Variants in SH3D19 observed in about 807,000 individuals in gnomAD.
The protein encoded by SH3D19 is SH3 domain-containing protein 19.
SH3D19 carries 58 observed loss-of-function variants against 112.1 expected under a neutral mutation model. That is an observed-to-expected ratio of 0.52 (90% CI 0.42 to 0.64). SH3D19 has a LOEUF of 0.64. Among genes scored for constraint, SH3D19 ranks in the 30% least tolerant of loss-of-function variants. The probability of loss-of-function intolerance (pLI) is 0.00; values close to 1 mark genes in which losing one functional copy is unlikely to be tolerated. For missense variants in SH3D19, 1,090 were observed against 1,263.4 expected (o/e 0.86, Z 2.08); for synonymous variants, 391 against 448.5 (o/e 0.87, Z 1.62).
At chr4:151,318,122 C>G (rs1730172316) in intron 1 of SH3D19, among the ~76,000 whole-genome samples, 1 of 151,244 alleles carries the variant, frequency 6.6e-6, no homozygotes, top group Middle Eastern at 3.4e-3. Flanking sequence ...ATGGTGAAAC[C>G]CTGTCTCTAA....
chr4:151,226,087 C>T lies in SH3D19; in HGVS notation c.113-1G>A. 1.6e-6 allele frequency: 2 copies of T among 1,231,754 alleles called. No homozygotes were observed. Among genetic ancestry groups the T allele is most frequent in the Non-Finnish European group, 2.0e-6 (2 of 987,682 alleles). 76.3% of individuals were successfully genotyped at this position (1,231,754 alleles called of 1,614,324 possible). A position where few individuals can be genotyped will look rare whatever the true frequency, so the allele number is the denominator to read the frequency against. On this transcript the variant is annotated splice_acceptor_variant, in intron 1 of 19. Coordinates refer to ENST00000604030, the MANE Select transcript of SH3D19 (RefSeq NM_001378122.1). LOFTEE classifies it high-confidence loss of function. ...TCTGGTTTATTTCGTTCGTTGCGATCTGTAGAGAAAGAAGATGGTTACGTG... is the reference window on the plus strand; with the variant it reads ...TCTGGTTTATTTCGTTCGTTGCGATTTGTAGAGAAAGAAGATGGTTACGTG...
At chr4:151,173,001 A>AGTG (rs374499162) in intron 7 of SH3D19, among the ~76,000 whole-genome samples, 13 of 152,350 alleles carry the variant, frequency 8.5e-5, no homozygotes, top group African/African-American at 3.1e-4. Context: ...TGTTCAATGA[A>AGTG]GTGGTAGAAA....
intron 1 of SH3D19, chr4:151,261,249 C>T (rs533628631): frequency 6.6e-6 from 1 of 152,222 alleles, no homozygotes; most frequent in Non-Finnish European, 1.5e-5. Context: ...CCCACGGTAT[C>T]TCTTCTGCTT....
At chr4:151,212,981 TC>T in intron 2 of SH3D19, among the ~76,000 whole-genome samples, 1 of 152,176 alleles carries the variant, frequency 6.6e-6, no homozygotes, top group Admixed American at 6.5e-5. Flanking sequence ...GGTTCAAGAC[TC>T]CCGTGGAGGA....
chr4:151,125,230 G>C (rs1748947151), intron 19 of SH3D19, among the ~76,000 whole-genome samples: 1 of 152,164 alleles, frequency 6.6e-6, no homozygotes, highest in African/African-American at 2.4e-5. Context: ...CTCTTTGGGA[G>C]GTTGGGGCGG....
At chr4:151,256,013 GGGGAGAGGGAGAGGGAGA>G (rs79688983) in intron 1 of SH3D19, among the ~76,000 whole-genome samples, 5 of 105,322 alleles carry the variant, frequency 4.7e-5, no homozygotes, top group East Asian at 5.5e-4. Flanking sequence ...GGAAAGAGAG[GGGGAGAGGGAGAGGGAGA>G]GGGAGAGGGA....
chr4:151,255,129 C>T (rs1032222790), intron 1 of SH3D19, among the ~76,000 whole-genome samples: 7 of 150,450 alleles, frequency 4.7e-5, no homozygotes, highest in Non-Finnish European at 1.0e-4. Flanking sequence ...GGGGGCTGAC[C>T]CCCCCCACCT....
At position 151,159,317 on chromosome 4, in the gene SH3D19, G is replaced by A; in HGVS notation, c.1678C>T (p.Pro560Ser). The change falls in exon 9 of 20, where the codon CCT becomes TCT. Residue 560 changes from proline (P) to serine (S), a missense_variant. Transcript: ENST00000604030. ...HEDPQSPPPL[P>S]AEKPIGNTFS... ...GTGTTTCCAATAGGTTTTTCAGCAG[G>A]GAGAGGAGGTGGACTTTGTGGATCC... 2.5e-6 allele frequency: 4 copies of A among 1,582,034 alleles called. No homozygotes were observed. Among genetic ancestry groups the A allele is most frequent in the Non-Finnish European group, 3.4e-6 (4 of 1,169,134 alleles).
intron 1 of SH3D19, chr4:151,291,168 G>C: frequency 6.2e-7 from 1 of 1,613,888 alleles, no homozygotes; most frequent in African/African-American, 1.3e-5. Flanking sequence ...TATGGATCCA[G>C]ACAGGAGTAG....
At chr4:151,259,743 G>A (rs1172045816) in intron 1 of SH3D19, 1 of 152,240 alleles carries the variant, frequency 6.6e-6, no homozygotes, top group Non-Finnish European at 1.5e-5. Flanking sequence ...ACACTATGTT[G>A]TGCGTTATTA....
intron 1 of SH3D19, chr4:151,226,357 C>G: frequency 9.0e-7 from 1 of 1,106,850 alleles, no homozygotes; most frequent in Non-Finnish European, 1.1e-6. Flanking sequence ...AAGATCTTTC[C>G]TGTGCTAAAT....
At chr4:151,302,851 C>T (rs1053121809) in intron 1 of SH3D19, among the ~76,000 whole-genome samples, 2 of 149,866 alleles carry the variant, frequency 1.3e-5, no homozygotes, top group South Asian at 2.1e-4. Flanking sequence ...GGGAACATCA[C>T]ACACCGGGGC....
intron 1 of SH3D19, among the ~76,000 whole-genome samples, chr4:151,248,777 C>T (rs1255095950): frequency 6.6e-6 from 1 of 152,138 alleles, no homozygotes. Flanking sequence ...TTACCTCTTT[C>T]TTTCCCTCCT....
Position 151,176,887 on chromosome 4 carries a change from G to A in SH3D19, c.305C>T (p.Pro102Leu). 2 of 1,232,202 alleles carry A rather than the reference G, an allele frequency of 1.6e-6. No homozygotes were observed. The highest frequency in any genetic ancestry group is 2.0e-6 in the Non-Finnish European group (2 of 987,970). 76.3% of individuals were successfully genotyped at this position (1,232,202 alleles called of 1,614,324 possible). A position where few individuals can be genotyped will look rare whatever the true frequency, so the allele number is the denominator to read the frequency against. ...RPASWFPGTP[P>L]PGLGFPTSSA... ...TGATGTAGGAAATCCCAGTCCTGGG[G>A]GTGGGGTTCCTGGAAACCACGAGGC... Residue 102 changes from proline (P) to leucine (L), a missense_variant, in exon 5 of 20, where the codon CCC (proline) becomes CTC (leucine). Pro to Leu is a moderately conservative substitution (Grantham distance 98). Coordinates refer to ENST00000604030, the MANE Select transcript of SH3D19 (RefSeq NM_001378122.1).
At chr4:151,165,237 G>C (rs1757798990) in intron 8 of SH3D19, among the ~76,000 whole-genome samples, 1 of 152,124 alleles carries the variant, frequency 6.6e-6, no homozygotes, top group South Asian at 2.1e-4. Flanking sequence ...AGCTACTCAG[G>C]AGGCTAAGAC....
At chr4:151,135,876 C>A (rs1751728594) in intron 14 of SH3D19, among the ~76,000 whole-genome samples, 1 of 152,130 alleles carries the variant, frequency 6.6e-6, no homozygotes, top group South Asian at 2.1e-4. Flanking sequence ...TTCAATAAAA[C>A]TTTGGATTCT....
chr4:151,128,809 AATTTT>A (rs1561192927), intron 17 of SH3D19, among the ~76,000 whole-genome samples: 1 of 151,758 alleles, frequency 6.6e-6, no homozygotes, highest in Non-Finnish European at 1.5e-5. Flanking sequence ...TCGGCTATTT[AATTTT>A]ATTTTATTTT....
chr4:151,303,403 G>C (rs1728641624), intron 1 of SH3D19, among the ~76,000 whole-genome samples: 1 of 152,034 alleles, frequency 6.6e-6, no homozygotes, highest in Non-Finnish European at 1.5e-5. Flanking sequence ...ATTCATTTTA[G>C]GGAAAAATAG....
rs75245637 is a variant in SH3D19 at position 151,294,118 on chromosome 4, T to A, written c.112+31123A>T. On this transcript the variant is annotated intron_variant, in intron 1 of 19. Transcript: ENST00000604030. ...GTTGTCTAATTAACATATGTCTATC[T>A]TATCAAACTGTAAGTCCACGTAAGA... Among the ~76,000 whole-genome samples, 5 of 152,340 alleles carry A rather than the reference T, an allele frequency of 3.3e-5. No individual in the cohort carries two copies. The East Asian group carries it at 9.6e-4, about 29-fold the overall frequency.
Sources: gnomAD v4.1 joint callset for allele counts (sites outside exome capture counted in the v4.1 genomes callset) on GRCh38, gnomAD v4.1.1 for gene constraint, MANE v1.5 for transcripts, NCBI Gene and HGNC (gene_info 2026-07-23, HGNC 2026-07-21) for gene names.